Variants in NCAPG2 observed in about 807,000 individuals in gnomAD.
The protein encoded by NCAPG2 is condensin-2 complex subunit G2.
NCAPG2 carries 53 observed loss-of-function variants against 141.1 expected under a neutral mutation model. That is an observed-to-expected ratio of 0.38 (90% confidence interval 0.30 to 0.47). The LOEUF is 0.47. Ranked by LOEUF, NCAPG2 falls within the 20% of genes least tolerant of loss-of-function variation. NCAPG2 has a pLI of 0.99. For missense variants in NCAPG2, 1,087 were observed against 1,389.0 expected (o/e 0.78, Z 3.46); for synonymous variants, 499 against 490.7 (o/e 1.02, Z -0.22).
chr7:158,634,967 G>A (rs1260610908), intron 27 of NCAPG2, among the ~76,000 whole-genome samples: 1 of 152,156 alleles, frequency 6.6e-6, no homozygotes, highest in African/African-American at 2.4e-5. Context: ...CAGACCATGT[G>A]CAAGTCCCCT....
chr7:158,670,802 A>G (rs1833637335), intron 13 of NCAPG2, among the ~76,000 whole-genome samples: 1 of 152,018 alleles, frequency 6.6e-6, no homozygotes, highest in African/African-American at 2.4e-5. Flanking sequence ...TGAATACACA[A>G]ATCTGTCTGG....
chr7:158,659,214 AACTACT>A, intron 16 of NCAPG2, among the ~76,000 whole-genome samples: 1 of 151,520 alleles, frequency 6.6e-6, no homozygotes, highest in African/African-American at 2.4e-5. Flanking sequence ...CTGTAATCCC[AACTACT>A]CGGAAGGCTG....
intron 26 of NCAPG2, among the ~76,000 whole-genome samples, chr7:158,645,087 C>T (rs1327184937): frequency 2.0e-5 from 3 of 152,132 alleles, no homozygotes; most frequent in African/African-American, 7.2e-5. Context: ...TTGGGATATT[C>T]AGAATAGGCA....
In NCAPG2 at chr7:158,675,626, G is replaced by T. The variant is rs781206063; in HGVS notation, c.1177C>A (p.Arg393Ser). 3.7e-6 allele frequency: 6 copies of T among 1,612,522 alleles called. No individual in the cohort carries two copies. The South Asian group carries it at 5.5e-5, about 15-fold the overall frequency. ...SLLEDPYPMV[R>S]STGILGVCKI... is the part of the protein sequence containing the mutation. ...CAAACACCAAGGATCCCTGTGGAAC[G>T]GACCATCGGGTAAGGATCTTCTAAA... Residue 393 changes from arginine (R) to serine (S), a missense_variant, in exon 12 of 28, where the codon CGT becomes AGT. Coordinates refer to ENST00000356309, the MANE Select transcript of NCAPG2 (RefSeq NM_017760.7).
chr7:158,632,625 C>G (rs1055614029), intron 27 of NCAPG2, among the ~76,000 whole-genome samples: 2 of 152,224 alleles, frequency 1.3e-5, no homozygotes. Context: ...AAGTGAGACT[C>G]ATGTCTACCT....
At chr7:158,677,524 G>GAAAAAAAAAAAAAA (rs1491491903) in intron 11 of NCAPG2, among the ~76,000 whole-genome samples, 3 of 5,072 alleles carry the variant, frequency 5.9e-4, no homozygotes, top group Non-Finnish European at 1.2e-3. Context: ...TAAAAATAAA[G>GAAAAAAAAAAAAAA]CAAAAAAAAA....
At chr7:158,683,255 AAC>A in intron 9 of NCAPG2, 43 bp downstream of exon 9, 1 of 1,380,052 alleles carries the variant, frequency 7.2e-7, no homozygotes, top group South Asian at 1.5e-5. Context: ...CTAAAAACAA[AAC>A]AGAGGAAACA....
At chr7:158,643,500 G>C (rs1563496366) in intron 27 of NCAPG2, among the ~76,000 whole-genome samples, 1 of 152,218 alleles carries the variant, frequency 6.6e-6, no homozygotes, top group Non-Finnish European at 1.5e-5. Flanking sequence ...TTCTAGTGAA[G>C]TGAGCATTAA....
intron 13 of NCAPG2, among the ~76,000 whole-genome samples, chr7:158,666,656 G>C (rs1832964564): frequency 6.6e-6 from 1 of 151,820 alleles, no homozygotes; most frequent in Non-Finnish European, 1.5e-5. Flanking sequence ...GCTGGGCACA[G>C]TGGCTCCCGC....
intron 22 of NCAPG2, among the ~76,000 whole-genome samples, chr7:158,652,833 T>C (rs1831586103): frequency 6.6e-6 from 1 of 152,228 alleles, no homozygotes; most frequent in African/African-American, 2.4e-5. Context: ...TTGTTGGTTC[T>C]GTTTTATTTT....
intron 16 of NCAPG2, among the ~76,000 whole-genome samples, chr7:158,659,532 T>A (rs1441695261): frequency 6.6e-6 from 1 of 151,974 alleles, no homozygotes; most frequent in East Asian, 1.9e-4. Flanking sequence ...AGAATCCCAG[T>A]ACAGTATTTA....
chr7:158,665,960 CA>C (rs1369273630), intron 13 of NCAPG2, among the ~76,000 whole-genome samples: 1 of 151,702 alleles, frequency 6.6e-6, no homozygotes, highest in Non-Finnish European at 1.5e-5. Flanking sequence ...ACAATAAGCC[CA>C]AATCCCACAC....
At position 158,633,139 on chromosome 7, in the gene NCAPG2, A is replaced by T. The variant is rs1229440757; in HGVS notation, c.3381-1422T>A. ...GCATATATTTCTTTAAGCTCTGGGG[A>T]ATTTTTTCCTATCGTTGTTGAATCA... On this transcript the variant is annotated intron_variant, in intron 27 of 27. Transcript: ENST00000356309. The surrounding 1 kb of genome is among the most constrained non-coding windows in gnomAD (Gnocchi z 4.1). Among the ~76,000 whole-genome samples, 2 of 152,022 alleles carry T rather than the reference A, an allele frequency of 1.3e-5. No individual in the cohort carries two copies. Among genetic ancestry groups the T allele is most frequent in the Non-Finnish European group, 2.9e-5 (2 of 68,010 alleles).
At chr7:158,655,602 C>T (rs919907825) in intron 19 of NCAPG2, 147 bp from the exon 20 acceptor site, 1 of 710,212 alleles carries the variant, frequency 1.4e-6, no homozygotes, top group Non-Finnish European at 2.4e-6. Flanking sequence ...TGACTCTGCA[C>T]CCGGACATGA....
chr7:158,680,385 C>T (rs1834374447), intron 10 of NCAPG2, among the ~76,000 whole-genome samples: 1 of 152,146 alleles, frequency 6.6e-6, no homozygotes, highest in South Asian at 2.1e-4. Context: ...TGTTAGATCT[C>T]AAGGATCTGG....
Position 158,633,272 on chromosome 7 carries a change from C to A in NCAPG2, c.3381-1555G>T, listed in dbSNP as rs1163425146. ...ATGGTCTATGTTCTGAGACATCTCT[C>A]CAAATTGACCTTTCTGGAATTTGAC... On this transcript the variant is annotated intron_variant, in intron 27 of 27. Coordinates refer to ENST00000356309, the MANE Select transcript of NCAPG2 (RefSeq NM_017760.7). This position sits in a 1 kb window ranked among gnomAD's most constrained non-coding sequence, Gnocchi z 4.1. 7.6e-6 allele frequency among the ~76,000 whole-genome samples: 1 copy of A among 131,906 alleles called. No individual in the cohort carries two copies. The highest frequency in any genetic ancestry group is 2.9e-5 in the African/African-American group (1 of 34,138). 86.5% of individuals were successfully genotyped at this position (131,906 alleles called of 152,430 possible).
intron 12 of NCAPG2, among the ~76,000 whole-genome samples, chr7:158,671,946 T>G (rs563705739): frequency 1.7e-4 from 26 of 152,302 alleles, no homozygotes; most frequent in African/African-American, 6.0e-4. Context: ...ATGCTCTCTC[T>G]CAGCTAAATT....
intron 27 of NCAPG2, among the ~76,000 whole-genome samples, chr7:158,641,801 T>C (rs1428551797): frequency 6.6e-6 from 1 of 152,118 alleles, no homozygotes; most frequent in Non-Finnish European, 1.5e-5. Context: ...AATAGATAAG[T>C]CAGTTATTAT....
In NCAPG2 at chr7:158,656,443, G is replaced by C; in HGVS notation, c.2215-10C>G. On this transcript the variant is annotated splice_polypyrimidine_tract_variant and intron_variant, in intron 18 of 27. Transcript: ENST00000356309. The stretch of plus-strand genomic sequence containing the variant: ...TAGAAGCTGTGTTGCTCTGAAAGAA[G>C]AGAGAGAGAAACTGATAATGAAAAC... 1 of 1,611,530 alleles carries C rather than the reference G, an allele frequency of 6.2e-7. No homozygotes were observed. Among genetic ancestry groups the C allele is most frequent in the Non-Finnish European group, 8.5e-7 (1 of 1,178,824 alleles).
Sources: gnomAD v4.1 joint callset for allele counts (sites outside exome capture counted in the v4.1 genomes callset) on GRCh38, gnomAD v4.1.1 for gene constraint, Gnocchi (gnomAD v3.1) non-coding constraint, MANE v1.5 for transcripts, NCBI Gene and HGNC (gene_info 2026-07-23, HGNC 2026-07-21) for gene names.